Variants in NEK9 observed in about 807,000 individuals in gnomAD.
The protein encoded by NEK9 is NIMA related kinase 9.
A neutral mutation model predicts 123.4 loss-of-function variants in NEK9; 75 were observed. The observed-to-expected ratio is 0.61, with a 90% CI of 0.50 to 0.74. The LOEUF (loss-of-function observed/expected upper bound fraction) is 0.74. Among genes scored for constraint, NEK9 ranks in the 30% least tolerant of loss-of-function variants. The probability of loss-of-function intolerance (pLI) is 0.00; values close to 1 mark genes in which losing one functional copy is unlikely to be tolerated. For synonymous variants in NEK9, 438 were observed against 458.7 expected (o/e 0.95, Z 0.58); for missense variants, 952 against 1,214.4 (o/e 0.78, Z 3.21).
intron 12 of NEK9, 116 bp downstream of exon 12, chr14:75,106,381 AAAAAG>A: frequency 1.3e-6 from 1 of 756,674 alleles, no homozygotes; most frequent in Non-Finnish European, 2.1e-6. Context: ...AAAAAAAAAA[AAAAAG>A]ATTTACTGAA....
chr14:75,107,192 G>T, intron 11 of NEK9, 151 bp downstream of exon 11: 3 of 720,798 alleles, frequency 4.2e-6, no homozygotes, highest in South Asian at 4.0e-5. Context: ...TAGCAAATTT[G>T]GTATGTTATT....
intron 3 of NEK9, chr14:75,120,836 C>G: frequency 5.1e-6 from 3 of 585,992 alleles, no homozygotes; most frequent in Non-Finnish European, 6.1e-6. Flanking sequence ...TAGGAAAATT[C>G]AGGAAGAATG....
intron 6 of NEK9, chr14:75,116,514 G>A (rs907844573): frequency 1.6e-5 from 6 of 365,472 alleles, no homozygotes; most frequent in Admixed American, 5.8e-5. Context: ...AAGTGATGCA[G>A]TAGCTGCATG....
intron 16 of NEK9, among the ~76,000 whole-genome samples, chr14:75,099,118 C>T (rs1894478722): frequency 6.6e-6 from 1 of 152,162 alleles, no homozygotes; most frequent in Non-Finnish European, 1.5e-5. Context: ...AAGGATATCT[C>T]AGAGCACAAG....
At position 75,083,271 on chromosome 14, in the gene NEK9, C is replaced by T. The variant is rs749444810; in HGVS notation, c.*1293G>A. The T allele has an allele frequency of 4.0e-5, 16 of 396,282 alleles. No homozygotes were observed. Among genetic ancestry groups the T allele is most frequent in the Non-Finnish European group, 5.8e-5 (13 of 225,234 alleles). The allele number at this position is 396,282 out of a possible 1,614,324, so 24.5% of individuals were successfully genotyped here. A position where few individuals can be genotyped will look rare whatever the true frequency, so the allele number is the denominator to read the frequency against. ...TAGGTGGAAATACAAAGCTCACATC[C>T]TTAAGGAAACCATCAAATACTTGCC... On this transcript the variant is annotated 3_prime_UTR_variant, in exon 22 of 22. Transcript: ENST00000238616.
At position 75,097,284 on chromosome 14, in the gene NEK9, T is replaced by TA. The variant is rs1894420861; in HGVS notation, c.2003-15dup. On this transcript the variant is annotated splice_polypyrimidine_tract_variant and intron_variant, in intron 16 of 21. Coordinates refer to ENST00000238616, the MANE Select transcript of NEK9 (RefSeq NM_033116.6). ...AAATGTGATTATCTAGGAAAAAAGT[T>TA]AAACAGTAGACCATTTAACAGAACA... The TA allele has an allele frequency of 6.3e-7, 1 of 1,588,050 alleles. No homozygotes were observed. The highest frequency in any genetic ancestry group is 1.4e-5 in the African/African-American group (1 of 73,836).
At chr14:75,086,870 C>T in intron 21 of NEK9, 148 bp downstream of exon 21, 1 of 759,866 alleles carries the variant, frequency 1.3e-6, no homozygotes, top group South Asian at 1.7e-5. Flanking sequence ...AGCACCACTG[C>T]ACTCTGGCCT....
chr14:75,116,939 C>T (rs1018587787), intron 6 of NEK9, among the ~76,000 whole-genome samples: 12 of 152,046 alleles, frequency 7.9e-5, no homozygotes, highest in East Asian at 1.9e-4. Flanking sequence ...CTAATGGAGA[C>T]GGGGTTTCAC....
rs144493028 is a variant in NEK9 at position 75,114,255 on chromosome 14, G to C, written c.821C>G (p.Ser274Cys). 19 of 1,614,030 alleles carry C rather than the reference G, an allele frequency of 1.2e-5. No individual in the cohort carries two copies. The highest frequency in any genetic ancestry group is 6.7e-5 in the African/African-American group (5 of 74,934). The change falls in exon 7 of 22, where the codon TCT becomes TGT. Residue 274 changes from serine (S) to cysteine (C), a missense_variant. Physicochemically the swap from Ser to Cys is moderately radical, Grantham distance 112. Transcript: ENST00000238616. ...GATCAATTCCAAAGAGTACTGGCTAGAGTCAACTTCCATGGCCCGAATTCC... is the reference window on the plus strand; with the variant it reads ...GATCAATTCCAAAGAGTACTGGCTACAGTCAACTTCCATGGCCCGAATTCC... The part of the protein sequence containing the change: ...VQGIRAMEVD[S>C]SQYSLELIQM...
intron 1 of NEK9, among the ~76,000 whole-genome samples, chr14:75,124,477 T>C (rs546206940): frequency 1.3e-5 from 2 of 152,326 alleles, no homozygotes; most frequent in South Asian, 2.1e-4. Context: ...GGTAAAAATA[T>C]GGGCTGGGGA....
chr14:75,087,534 G>A (rs1475443724), intron 20 of NEK9, among the ~76,000 whole-genome samples: 1 of 152,194 alleles, frequency 6.6e-6, no homozygotes, highest in Non-Finnish European at 1.5e-5. Context: ...TTAAAATGCT[G>A]AAGTAGGGAA....
At chr14:75,117,411 G>A in intron 5 of NEK9, 85 bp from the exon 6 acceptor site, 1 of 1,422,426 alleles carries the variant, frequency 7.0e-7, no homozygotes, top group Non-Finnish European at 9.4e-7. Context: ...AAATTTCCTA[G>A]GAACTAGTCA....
At chr14:75,101,186 C>T in intron 15 of NEK9, 33 bp from the exon 16 acceptor site, 1 of 1,595,718 alleles carries the variant, frequency 6.3e-7, no homozygotes, top group Non-Finnish European at 8.5e-7. Context: ...TAACAAGGCA[C>T]AAATGAGTCC....
chr14:75,087,353 A>G (rs1894062702), intron 20 of NEK9, 123 bp from the exon 21 acceptor site: 4 of 653,468 alleles, frequency 6.1e-6, no homozygotes, highest in Non-Finnish European at 1.1e-5. Flanking sequence ...ATATATACAC[A>G]TGAATATATG....
At chr14:75,112,077 C>G (rs914339075) in intron 8 of NEK9, among the ~76,000 whole-genome samples, 2 of 152,156 alleles carry the variant, frequency 1.3e-5, no homozygotes, top group African/African-American at 4.8e-5. Context: ...CACTAAAACA[C>G]TGGCTACAGA....
intron 6 of NEK9, among the ~76,000 whole-genome samples, chr14:75,115,281 A>G (rs1026328388): frequency 1.3e-5 from 2 of 151,832 alleles, no homozygotes; most frequent in Non-Finnish European, 2.9e-5. Flanking sequence ...ATGCCTGGAT[A>G]ATTTTTGTAT....
chr14:75,126,845 C>A lies in NEK9; in HGVS notation c.77G>T (p.Gly26Val). ...SDFGSESGGC[G>V]DSSPGPSASQ... ...GGCGCTAGGCCCCGGACTCGAGTCC[C>A]CGCAACCCCCGGACTCGCTCCCAAA... Residue 26 changes from glycine (G) to valine (V), a missense_variant, in exon 1 of 22, where the codon GGG (glycine) becomes GTG (valine). Gly to Val is a moderately radical substitution (Grantham distance 109). Around this residue, in one of 4 missense-constraint regions of NEK9, gnomAD observed 120 missense variants for 97.6 expected, o/e 1.23. Transcript: ENST00000238616. The A allele has an allele frequency of 6.5e-7, 1 of 1,533,798 alleles. No individual in the cohort carries two copies. Among genetic ancestry groups the A allele is most frequent in the Non-Finnish European group, 8.8e-7 (1 of 1,140,644 alleles).
chr14:75,101,564 C>T (rs1364362904), intron 15 of NEK9, 93 bp downstream of exon 15: 17 of 724,798 alleles, frequency 2.3e-5, no homozygotes, highest in Middle Eastern at 2.6e-4. Context: ...CAGGGGAAAT[C>T]GGGATGATAT....
At position 75,120,586 on chromosome 14, in the gene NEK9, G is replaced by C; in HGVS notation, c.454-6C>G. On this transcript the variant is annotated splice_polypyrimidine_tract_variant and splice_region_variant and intron_variant, in intron 3 of 21. Transcript: ENST00000238616. ...AATAGGTACCACACCACCATCTGCA[G>C]AGAAAAAATAAATATTTGGATTAGA... 6.2e-7 allele frequency: 1 copy of C among 1,606,180 alleles called. No homozygotes were observed. Among genetic ancestry groups the C allele is most frequent in the Non-Finnish European group, 8.5e-7 (1 of 1,174,546 alleles).
Sources: allele counts gnomAD v4.1 joint callset (sites outside exome capture counted in the v4.1 genomes callset), GRCh38; gene constraint gnomAD v4.1.1; regional missense constraint gnomAD v4.1.1; transcripts MANE v1.5; gene names NCBI Gene and HGNC (gene_info 2026-07-23, HGNC 2026-07-21).